The following HMCN1 variants were observed in gnomAD, a reference collection of about 807,000 sequenced individuals.
HMCN1 encodes the protein hemicentin 1.
HMCN1 carries 321 observed loss-of-function variants against 625.9 expected under a neutral mutation model. The observed-to-expected ratio is 0.51, with a 90% CI of 0.47 to 0.56. The LOEUF (loss-of-function observed/expected upper bound fraction) is 0.56, where lower values mean the gene tolerates loss of function less well. HMCN1 is among the 20% of genes least tolerant of loss of function. The pLI is 0.00. For missense variants in HMCN1, 6,588 were observed against 6,887.3 expected (o/e 0.96, Z 1.54); for synonymous variants, 2,425 against 2,417.6 (o/e 1.00, Z -0.09).
chr1:186,036,095 A>G (rs1655802340), intron 36 of HMCN1, among the ~76,000 whole-genome samples: 1 of 152,174 alleles, frequency 6.6e-6, no homozygotes, highest in Non-Finnish European at 1.5e-5. Flanking sequence ...CATGTTTAAT[A>G]ATTTTTGCTT....
Position 185,734,417 on chromosome 1 carries a change from G to C in HMCN1, c.-363G>C. On this transcript the variant is annotated 5_prime_UTR_variant, in exon 1 of 107. Transcript: ENST00000271588. ...GTCGCTGGCCCAGGCGGAGAGCAGCGGCGGCGGCGAGGGCAGCGGGATTCG... is the reference window on the plus strand; with the variant it reads ...GTCGCTGGCCCAGGCGGAGAGCAGCCGCGGCGGCGAGGGCAGCGGGATTCG... 1 of 228,198 alleles carries C rather than the reference G, an allele frequency of 4.4e-6. No homozygotes were observed. Among genetic ancestry groups the C allele is most frequent in the Non-Finnish European group, 8.5e-6 (1 of 117,910 alleles). The allele number at this position is 228,198 out of a possible 1,614,324, so 14.1% of individuals were successfully genotyped here.
intron 41 of HMCN1, among the ~76,000 whole-genome samples, chr1:186,046,777 T>C (rs1432273877): frequency 6.6e-6 from 1 of 152,098 alleles, no homozygotes; most frequent in Admixed American, 6.6e-5. Flanking sequence ...TTGGAAATAA[T>C]GTTGAAAAGG....
At position 185,994,665 on chromosome 1, in the gene HMCN1, C is replaced by A. The variant is rs1652661609; in HGVS notation, c.3506-150C>A. The A allele has an allele frequency of 8.1e-6, 6 of 741,772 alleles. No individual in the cohort carries two copies. In the South Asian group the frequency reaches 9.8e-5, roughly 12 times the overall value. 45.9% of individuals were successfully genotyped at this position (741,772 alleles called of 1,614,324 possible). On this transcript the variant is annotated intron_variant, in intron 23 of 106. Coordinates refer to ENST00000271588, the MANE Select transcript of HMCN1 (RefSeq NM_031935.3). ...AAGTTTACTGACTTGTCCTAGATCACCTAGCTAGTGAATGATCCGAGCCTA... is the reference window on the plus strand; with the variant it reads ...AAGTTTACTGACTTGTCCTAGATCAACTAGCTAGTGAATGATCCGAGCCTA...
intron 11 of HMCN1, among the ~76,000 whole-genome samples, chr1:185,959,594 T>C (rs1002009694): frequency 8.5e-5 from 13 of 152,154 alleles, no homozygotes; most frequent in African/African-American, 3.1e-4. Flanking sequence ...TTGCTTTGGC[T>C]AGCAAAAGCA....
At chr1:185,915,523 G>T (rs940765024) in intron 6 of HMCN1, among the ~76,000 whole-genome samples, 3 of 151,966 alleles carry the variant, frequency 2.0e-5, no homozygotes, top group Admixed American at 6.6e-5. Flanking sequence ...ATCCCCTGGG[G>T]TATGTTTCTA....
At chr1:185,808,540 G>A (rs1659317288) in intron 1 of HMCN1, among the ~76,000 whole-genome samples, 1 of 151,896 alleles carries the variant, frequency 6.6e-6, no homozygotes. Flanking sequence ...TTAAAACTCA[G>A]CAAATTATCT....
intron 30 of HMCN1, among the ~76,000 whole-genome samples, chr1:186,007,965 T>C (rs1240104050): frequency 3.9e-5 from 6 of 152,154 alleles, no homozygotes; most frequent in Admixed American, 6.5e-5. Flanking sequence ...TGTCTTTCCA[T>C]GGTGTATGAT....
At chr1:185,987,196 G>T (rs1447802535) in intron 19 of HMCN1, among the ~76,000 whole-genome samples, 2 of 150,926 alleles carry the variant, frequency 1.3e-5, no homozygotes, top group African/African-American at 2.4e-5. Context: ...CAGCTTATTA[G>T]ACATAACTTA....
At chr1:185,741,012 A>AAAAACGAAAAC (rs1653959575) in intron 1 of HMCN1, among the ~76,000 whole-genome samples, 1 of 152,114 alleles carries the variant, frequency 6.6e-6, no homozygotes, top group South Asian at 2.1e-4. Context: ...AAACGAAAAC[A>AAAAACGAAAAC]AAAACAAAAA....
At chr1:186,185,153 A>AG (rs1201837586) in intron 105 of HMCN1, among the ~76,000 whole-genome samples, 1 of 152,220 alleles carries the variant, frequency 6.6e-6, no homozygotes, top group East Asian at 1.9e-4. Flanking sequence ...ATATATCATA[A>AG]GGTAACTACT....
At chr1:185,933,503 A>C (rs747853156) in intron 10 of HMCN1, 46 bp from the exon 11 acceptor site, 7 of 1,608,188 alleles carry the variant, frequency 4.4e-6, no homozygotes, top group Non-Finnish European at 6.0e-6. Flanking sequence ...TAAGTGAGCA[A>C]AATGGCTTTT....
At chr1:185,776,898 A>G (rs1656651855) in intron 1 of HMCN1, among the ~76,000 whole-genome samples, 2 of 152,192 alleles carry the variant, frequency 1.3e-5, no homozygotes, top group Non-Finnish European at 2.9e-5. Context: ...TTGATGAATT[A>G]CATTTTGTTA....
intron 4 of HMCN1, among the ~76,000 whole-genome samples, chr1:185,886,052 A>C (rs920414773): frequency 2.6e-5 from 4 of 152,124 alleles, no homozygotes; most frequent in Non-Finnish European, 4.4e-5. Context: ...TATTCTGTCT[A>C]AAGACAGATA....
chr1:185,842,311 T>C (rs1661522848), intron 1 of HMCN1, among the ~76,000 whole-genome samples: 1 of 152,190 alleles, frequency 6.6e-6, no homozygotes, highest in South Asian at 2.1e-4. Context: ...TGGTTGATTA[T>C]AGTATTTACA....
chr1:186,125,694 C>T lies in HMCN1; in HGVS notation c.12590C>T (p.Thr4197Ile), dbSNP rs767846231. The T allele has an allele frequency of 3.7e-6, 6 of 1,613,084 alleles. No individual in the cohort carries two copies. The Admixed American group carries it at 6.7e-5, about 18-fold the overall frequency. ...ILPCVADGIP[T>I]PAINWKKDNV... The stretch of plus-strand genomic sequence containing the variant: ...CCATGCGTAGCTGATGGAATCCCCA[C>T]ACCAGCAATTAACTGGAAAAAAGAC... Residue 4197 changes from threonine (T) to isoleucine (I), a missense_variant, in exon 82 of 107, where the codon ACA becomes ATA. Physicochemically the swap from Thr to Ile is moderately conservative, Grantham distance 89. Around this residue, in one of 3 missense-constraint regions of HMCN1, gnomAD observed 1,954 missense variants for 2,013.1 expected, o/e 0.97. Coordinates refer to ENST00000271588, the MANE Select transcript of HMCN1 (RefSeq NM_031935.3).
chr1:186,161,391 C>A (rs1448466820), intron 97 of HMCN1, among the ~76,000 whole-genome samples: 4 of 152,100 alleles, frequency 2.6e-5, no homozygotes, highest in Non-Finnish European at 5.9e-5. Flanking sequence ...CAGTCTGTGT[C>A]TTTTAATTGG....
chr1:186,112,041 A>G (rs1660914106), intron 71 of HMCN1, among the ~76,000 whole-genome samples: 1 of 152,210 alleles, frequency 6.6e-6, no homozygotes. Flanking sequence ...CATATATTTT[A>G]TCCTTAAATT....
In HMCN1 at chr1:186,039,075, A is replaced by G. The variant is rs1656028400; in HGVS notation, c.6028+70A>G. Reference sequence around the variant, plus strand: ...TCAAAATGATTAAGTGCTTCTATAAAATTCTTGTGTAAGTATTTAACAGAA... The same window carrying G: ...TCAAAATGATTAAGTGCTTCTATAAGATTCTTGTGTAAGTATTTAACAGAA... On this transcript the variant is annotated intron_variant, in intron 38 of 106. Coordinates refer to ENST00000271588, the MANE Select transcript of HMCN1 (RefSeq NM_031935.3). 2.7e-5 allele frequency: 28 copies of G among 1,046,136 alleles called. No individual in the cohort carries two copies. In the South Asian group the frequency reaches 3.4e-4, roughly 13 times the overall value. The allele number at this position is 1,046,136 out of a possible 1,614,324, so 64.8% of individuals were successfully genotyped here.
intron 104 of HMCN1, 72 bp downstream of exon 104, chr1:186,178,838 TGA>T: frequency 9.5e-7 from 1 of 1,049,064 alleles, no homozygotes; most frequent in Non-Finnish European, 1.5e-6. Flanking sequence ...ACAGCACCTG[TGA>T]TTGTTTGAGT....
Sources: gnomAD v4.1 joint callset for allele counts (sites outside exome capture counted in the v4.1 genomes callset) on GRCh38, gnomAD v4.1.1 for gene constraint, gnomAD v4.1.1 regional missense constraint, MANE v1.5 for transcripts, NCBI Gene and HGNC (gene_info 2026-07-23, HGNC 2026-07-21) for gene names.